ABTB2: variants seen among roughly 807,000 people sequenced by gnomAD.
ABTB2 encodes the protein ankyrin repeat and BTB domain containing 2.
ABTB2 carries 56 observed loss-of-function variants against 104.1 expected under a neutral mutation model. The observed-to-expected ratio is 0.54, with a 90% CI of 0.43 to 0.67. The LOEUF is 0.67. Ranked by LOEUF, ABTB2 falls within the 30% of genes least tolerant of loss-of-function variation. The pLI is 0.00. For missense variants in ABTB2, 1,279 were observed against 1,407.7 expected (o/e 0.91, Z 1.46); for synonymous variants, 606 against 608.2 (o/e 1.00, Z 0.05).
intron 3 of ABTB2, among the ~76,000 whole-genome samples, chr11:34,182,497 T>TGGGGG (rs1157886289): frequency 2.3e-4 from 16 of 69,926 alleles, no homozygotes; most frequent in African/African-American, 1.1e-3. Context: ...TTGGGTTCTC[T>TGGGGG]GGGGGGGGGG....
chr11:34,154,980 CCCGGATAACAGGCTCTCT>C lies in ABTB2; in HGVS notation c.2698-229_2698-212del. 6.6e-6 allele frequency among the ~76,000 whole-genome samples: 1 copy of C among 152,342 alleles called. No homozygotes were observed. Among genetic ancestry groups the C allele is most frequent in the East Asian group, 1.9e-4 (1 of 5,174 alleles). On this transcript the variant is annotated intron_variant, in intron 14 of 16. Coordinates refer to ENST00000435224, the MANE Select transcript of ABTB2 (RefSeq NM_145804.3). The surrounding 1 kb of genome is among the most constrained non-coding windows in gnomAD (Gnocchi z 4.9). ...CAAGACCCTCTCTCCTGAGTCCCTG[CCCGGATAACAGGCTCTCT>C]CCTTGGAATGTTTTCCCTACAATCC...
chr11:34,283,385 T>A (rs1307315968), intron 1 of ABTB2, among the ~76,000 whole-genome samples: 1 of 151,952 alleles, frequency 6.6e-6, no homozygotes, highest in African/African-American at 2.4e-5. Context: ...TCAGCTAATT[T>A]TTGTACTTTT....
At chr11:34,233,734 C>G (rs1853805439) in intron 1 of ABTB2, among the ~76,000 whole-genome samples, 1 of 151,570 alleles carries the variant, frequency 6.6e-6, no homozygotes, top group African/African-American at 2.4e-5. Context: ...TCTTTTAATA[C>G]TACCTCCCAG....
chr11:34,267,878 C>T (rs73495598), intron 1 of ABTB2, among the ~76,000 whole-genome samples: 12,105 of 152,222 alleles, frequency 0.08, 1,233 homozygotes, highest in African/African-American at 0.24. Context: ...GAGTTCACTC[C>T]TCTTCAATTT....
chr11:34,291,324 G>A (rs999379332), intron 1 of ABTB2, among the ~76,000 whole-genome samples: 1 of 152,196 alleles, frequency 6.6e-6, no homozygotes, highest in African/African-American at 2.4e-5. Context: ...GGGTCTGTAA[G>A]CACATTCCCA....
At chr11:34,347,227 G>A (rs1382509045) in intron 1 of ABTB2, among the ~76,000 whole-genome samples, 1 of 152,188 alleles carries the variant, frequency 6.6e-6, no homozygotes, top group Non-Finnish European at 1.5e-5. Context: ...CTTGAGGTCA[G>A]GAGTTCGAGA....
At chr11:34,196,903 C>T (rs1035408361) in intron 3 of ABTB2, among the ~76,000 whole-genome samples, 1 of 152,210 alleles carries the variant, frequency 6.6e-6, no homozygotes, top group Non-Finnish European at 1.5e-5. Context: ...TGGGATAAAC[C>T]CATGAAAAGA....
chr11:34,173,101 G>A (rs1852907098), intron 4 of ABTB2, 54 bp downstream of exon 4: 1 of 1,608,812 alleles, frequency 6.2e-7, no homozygotes, highest in African/African-American at 1.3e-5. Context: ...GCAGAGGGGA[G>A]CCGCTGGGGG....
intron 1 of ABTB2, among the ~76,000 whole-genome samples, chr11:34,307,023 G>A (rs1180769724): frequency 2.7e-5 from 4 of 146,720 alleles, no homozygotes; most frequent in South Asian, 2.2e-4. Context: ...AAAAGCAGAC[G>A]AACTTTAAGA....
At chr11:34,345,725 T>G (rs1308517383) in intron 1 of ABTB2, among the ~76,000 whole-genome samples, 1 of 152,206 alleles carries the variant, frequency 6.6e-6, no homozygotes, top group African/African-American at 2.4e-5. Context: ...CAGCTGGTAC[T>G]CAAGTGGATT....
At chr11:34,267,248 AT>A (rs1854263485) in intron 1 of ABTB2, among the ~76,000 whole-genome samples, 1 of 152,200 alleles carries the variant, frequency 6.6e-6, no homozygotes, top group African/African-American at 2.4e-5. Flanking sequence ...GAGCAAGCCA[AT>A]GCTGGTGGAA....
chr11:34,189,679 CA>C (rs747375045), intron 3 of ABTB2, among the ~76,000 whole-genome samples: 24 of 152,190 alleles, frequency 1.6e-4, no homozygotes, highest in Non-Finnish European at 3.4e-4. Flanking sequence ...TGCTCTGAAA[CA>C]ACAAAAGTCC....
chr11:34,265,094 A>G (rs1181425857), intron 1 of ABTB2, among the ~76,000 whole-genome samples: 1 of 152,224 alleles, frequency 6.6e-6, no homozygotes, highest in Non-Finnish European at 1.5e-5. Context: ...GGAAAGGGCA[A>G]TCTGGTCTAT....
chr11:34,234,667 A>G (rs1178958219), intron 1 of ABTB2, among the ~76,000 whole-genome samples: 1 of 152,138 alleles, frequency 6.6e-6, no homozygotes, highest in African/African-American at 2.4e-5. Flanking sequence ...ATGAAAAGGC[A>G]GGGCTACCAG....
intron 1 of ABTB2, among the ~76,000 whole-genome samples, chr11:34,270,222 T>C (rs1341247396): frequency 6.6e-6 from 1 of 152,174 alleles, no homozygotes. Flanking sequence ...CCAAGAGGAC[T>C]AGATGTAACA....
At chr11:34,295,292 A>G (rs1032864419) in intron 1 of ABTB2, among the ~76,000 whole-genome samples, 1 of 152,210 alleles carries the variant, frequency 6.6e-6, no homozygotes, top group Admixed American at 6.6e-5. Context: ...TACACAGGCT[A>G]GAGGTCGTGG....
At chr11:34,268,105 A>AT (rs1463271623) in intron 1 of ABTB2, among the ~76,000 whole-genome samples, 2 of 151,556 alleles carry the variant, frequency 1.3e-5, no homozygotes, top group African/African-American at 2.4e-5. Flanking sequence ...TAACTTTTTA[A>AT]TTTTTTTTGG....
At chr11:34,331,846 G>A (rs1279751828) in intron 1 of ABTB2, among the ~76,000 whole-genome samples, 1 of 152,230 alleles carries the variant, frequency 6.6e-6, no homozygotes. Flanking sequence ...TAGCAAAAGT[G>A]TTAAGTAGTT....
At chr11:34,265,358 C>T (rs780155703) in intron 1 of ABTB2, among the ~76,000 whole-genome samples, 22 of 152,188 alleles carry the variant, frequency 1.4e-4, no homozygotes, top group Non-Finnish European at 2.9e-4. Context: ...AGAGCTGATG[C>T]TCTTAAAACC....
Sources: gnomAD v4.1 joint callset for allele counts (sites outside exome capture counted in the v4.1 genomes callset) on GRCh38, gnomAD v4.1.1 for gene constraint, Gnocchi (gnomAD v3.1) non-coding constraint, MANE v1.5 for transcripts, NCBI Gene and HGNC (gene_info 2026-07-23, HGNC 2026-07-21) for gene names.